ATXN1: variants seen among roughly 807,000 people sequenced by gnomAD.
The protein encoded by ATXN1 is ataxin 1, also known as ataxin-1.
In ATXN1, 8 loss-of-function variants were observed where a neutral mutation model predicts 56.4. That is an observed-to-expected ratio of 0.14 (90% CI 0.08 to 0.26). The LOEUF (loss-of-function observed/expected upper bound fraction) is 0.26, where lower values mean the gene tolerates loss of function less well. ATXN1 is among the 10% of genes least tolerant of loss of function. ATXN1 has a pLI of 1.00. For synonymous variants in ATXN1, 514 were observed against 494.6 expected (o/e 1.04, Z -0.52); for missense variants, 987 against 1,106.5 (o/e 0.89, Z 1.53).
At chr6:16,761,219 G>A in intron 1 of ATXN1, 79 bp downstream of exon 1, 4 of 393,672 alleles carry the variant, frequency 1.0e-5, no homozygotes, top group South Asian at 7.3e-5. Flanking sequence ...GGGGAGGAGG[G>A]ATTTTAATCT....
At chr6:16,622,709 G>C (rs975498900) in intron 3 of ATXN1, among the ~76,000 whole-genome samples, 2 of 152,136 alleles carry the variant, frequency 1.3e-5, no homozygotes, top group Admixed American at 6.5e-5. Context: ...TGCCAGTAGT[G>C]TGTATGTGAT....
intron 6 of ATXN1, among the ~76,000 whole-genome samples, chr6:16,437,754 T>A (rs1194976639): frequency 6.6e-6 from 1 of 152,262 alleles, no homozygotes. Flanking sequence ...TTTCTCTTCA[T>A]CTCTTCCTAA....
chr6:16,439,500 T>C (rs553213953), intron 6 of ATXN1, among the ~76,000 whole-genome samples: 11 of 151,856 alleles, frequency 7.2e-5, no homozygotes, highest in African/African-American at 2.4e-4. Context: ...TAACCAAGCC[T>C]AAACTTGATC....
At chr6:16,752,296 T>C (rs902133204) in intron 2 of ATXN1, among the ~76,000 whole-genome samples, 2 of 152,016 alleles carry the variant, frequency 1.3e-5, no homozygotes, top group Non-Finnish European at 2.9e-5. Flanking sequence ...TTAGGAAGAG[T>C]TGCTGGAAGA....
chr6:16,387,989 C>T (rs1758275673), intron 6 of ATXN1, among the ~76,000 whole-genome samples: 1 of 152,170 alleles, frequency 6.6e-6, no homozygotes, highest in African/African-American at 2.4e-5. Context: ...ATCTAAGCAA[C>T]TTACCAGTCA....
At chr6:16,649,180 CT>C (rs1335838539) in intron 3 of ATXN1, among the ~76,000 whole-genome samples, 2 of 151,776 alleles carry the variant, frequency 1.3e-5, no homozygotes, top group Non-Finnish European at 2.9e-5. Flanking sequence ...TTGGAAAGAA[CT>C]TTTGAGGAGC....
At chr6:16,594,188 T>G (rs572002102) in intron 3 of ATXN1, among the ~76,000 whole-genome samples, 2 of 150,402 alleles carry the variant, frequency 1.3e-5, no homozygotes, top group African/African-American at 4.9e-5. Flanking sequence ...TGACGACCTT[T>G]AAAATTTTTT....
At chr6:16,347,074 G>A (rs1279886180) in intron 6 of ATXN1, among the ~76,000 whole-genome samples, 7 of 152,246 alleles carry the variant, frequency 4.6e-5, no homozygotes, top group East Asian at 3.9e-4. Flanking sequence ...GCTGCCTTCT[G>A]GCGGGCAGGG....
intron 6 of ATXN1, among the ~76,000 whole-genome samples, chr6:16,352,815 A>G (rs1226765109): frequency 6.6e-6 from 1 of 152,166 alleles, no homozygotes; most frequent in African/African-American, 2.4e-5. Flanking sequence ...TGATTTATAC[A>G]TTAGGCACAG....
chr6:16,402,862 A>T (rs1029285677), intron 6 of ATXN1, among the ~76,000 whole-genome samples: 1 of 152,226 alleles, frequency 6.6e-6, no homozygotes, highest in African/African-American at 2.4e-5. Context: ...GGAATTAGGC[A>T]TGGGAAGCAG....
In ATXN1 at chr6:16,556,379, C is replaced by T. The variant is rs375259450; in HGVS notation, c.-361+29401G>A. Among the ~76,000 whole-genome samples, 5 of 152,268 alleles carry T rather than the reference C, an allele frequency of 3.3e-5. No homozygotes were observed. In the East Asian group the frequency reaches 9.6e-4, roughly 29 times the overall value. On this transcript the variant is annotated intron_variant, in intron 4 of 7. Coordinates refer to ENST00000436367, the MANE Select transcript of ATXN1 (RefSeq NM_001128164.2). ...CCTTTACTACATATTCCTATAGCTT[C>T]TTAGTCTTTTTACTTCGTTGGCAAA...
At chr6:16,442,695 A>C (rs1031946848) in intron 6 of ATXN1, among the ~76,000 whole-genome samples, 1 of 152,220 alleles carries the variant, frequency 6.6e-6, no homozygotes, top group Non-Finnish European at 1.5e-5. Flanking sequence ...GAAGGGTACC[A>C]TATTAAGGAA....
Position 16,306,250 on chromosome 6 carries a change from G to A in ATXN1, c.*79C>T, listed in dbSNP as rs934912363. 36 of 1,437,618 alleles carry A rather than the reference G, an allele frequency of 2.5e-5. 1 individual carries two copies. The highest frequency in any genetic ancestry group is 3.4e-5 in the Non-Finnish European group (36 of 1,073,000). The allele number at this position is 1,437,618 out of a possible 1,614,324, so 89.1% of individuals were successfully genotyped here. On this transcript the variant is annotated 3_prime_UTR_variant, in exon 8 of 8. Transcript: ENST00000436367. This position sits in a 1 kb window ranked among gnomAD's most constrained non-coding sequence, Gnocchi z 5.2. ...ATTAAGAAGATAACATGTAAATACTGTGTTATTTTAGCCTACAGTACAGTA... is the reference window on the plus strand; with the variant it reads ...ATTAAGAAGATAACATGTAAATACTATGTTATTTTAGCCTACAGTACAGTA...
chr6:16,566,630 G>GC (rs1210479710), intron 4 of ATXN1, among the ~76,000 whole-genome samples: 1 of 152,082 alleles, frequency 6.6e-6, no homozygotes, highest in Non-Finnish European at 1.5e-5. Context: ...ACGGCGGGCG[G>GC]ATCACGAGGT....
At chr6:16,624,269 T>C (rs1308215353) in intron 3 of ATXN1, among the ~76,000 whole-genome samples, 1 of 150,210 alleles carries the variant, frequency 6.7e-6, no homozygotes, top group African/African-American at 2.5e-5. Flanking sequence ...GAGGATCACT[T>C]GAACCCAGGA....
intron 6 of ATXN1, among the ~76,000 whole-genome samples, chr6:16,389,059 C>T (rs989591477): frequency 7.2e-5 from 11 of 152,074 alleles, no homozygotes; most frequent in Non-Finnish European, 1.0e-4. Context: ...GATAGTGGCC[C>T]GGCGTGGTGG....
intron 6 of ATXN1, among the ~76,000 whole-genome samples, chr6:16,417,732 G>A (rs978649713): frequency 2.6e-5 from 4 of 152,066 alleles, no homozygotes; most frequent in South Asian, 4.2e-4. Context: ...GCCACCACAC[G>A]TGGCCACAAC....
In ATXN1 at chr6:16,586,573, G is replaced by A. The variant is rs74633735; in HGVS notation, c.-488-666C>T. On this transcript the variant is annotated intron_variant, in intron 3 of 7. Transcript: ENST00000436367. ...GTGGCCAGGAATCATGTTTACCTCT[G>A]CATTATTGACAAGAAAACTGACAGT... 3.8e-3 allele frequency among the ~76,000 whole-genome samples: 579 copies of A among 152,274 alleles called. 4 individuals carry two copies. The highest frequency in any genetic ancestry group is 0.013 in the African/African-American group (535 of 41,554).
chr6:16,438,249 A>G (rs1224864919), intron 6 of ATXN1, among the ~76,000 whole-genome samples: 1 of 152,178 alleles, frequency 6.6e-6, no homozygotes, highest in African/African-American at 2.4e-5. Context: ...CAGACCCATA[A>G]TGGTCCATGG....
Sources: gnomAD v4.1 joint callset for allele counts (sites outside exome capture counted in the v4.1 genomes callset) on GRCh38, gnomAD v4.1.1 for gene constraint, Gnocchi (gnomAD v3.1) non-coding constraint, MANE v1.5 for transcripts, NCBI Gene and HGNC (gene_info 2026-07-23, HGNC 2026-07-21) for gene names.